Variants in ATM observed in about 807,000 individuals in gnomAD.
ATM encodes the protein serine-protein kinase ATM.
ATM carries 308 observed loss-of-function variants against 387.0 expected under a neutral mutation model. The observed-to-expected ratio is 0.80, with a 90% CI of 0.73 to 0.87. The LOEUF (loss-of-function observed/expected upper bound fraction) is 0.87, where lower values mean the gene tolerates loss of function less well. Among genes scored for constraint, ATM ranks in the 40% least tolerant of loss-of-function variants. The pLI, the probability that ATM is intolerant of heterozygous loss-of-function variation, is 0.00. For synonymous variants in ATM, 1,156 were observed against 1,187.3 expected (o/e 0.97, Z 0.54); for missense variants, 3,312 against 3,560.9 (o/e 0.93, Z 1.78).
chr11:108,223,247 AGTCT>A (rs2078576106), intron 1 of ATM, 61 bp downstream of exon 1: 1 of 160,620 alleles, frequency 6.2e-6, no homozygotes, highest in Non-Finnish European at 1.4e-5. Flanking sequence ...TGTGCGACCC[AGTCT>A]GTCCTCTCCC....
Position 108,271,275 on chromosome 11 carries a change from T to C in ATM, c.2946T>C (p.Arg982=), listed in dbSNP as rs2135551909. The C allele has an allele frequency of 6.2e-7, 1 of 1,614,000 alleles. No homozygotes were observed. Among genetic ancestry groups the C allele is most frequent in the Non-Finnish European group, 8.5e-7 (1 of 1,179,990 alleles). The change falls in exon 20 of 63, where the codon CGT becomes CGC. Residue 982 remains arginine (R), a synonymous_variant. Coordinates refer to ENST00000675843, the MANE Select transcript of ATM (RefSeq NM_000051.4). ...GCAATGTGTGTTCTTTGTATCGTCG[T>C]GACCAAGATGTTTGTAAAACTATTT... ...PLSNVCSLYR[R]DQDVCKTILN...
chr11:108,300,291 G>A (rs2083358221), intron 34 of ATM, among the ~76,000 whole-genome samples: 1 of 152,196 alleles, frequency 6.6e-6, no homozygotes, highest in Non-Finnish European at 1.5e-5. Context: ...AAGCAGAGAG[G>A]TTGTTTTATA....
At chr11:108,245,091 A>C in intron 7 of ATM, 65 bp downstream of exon 7, 1 of 1,294,096 alleles carries the variant, frequency 7.7e-7, no homozygotes, top group Non-Finnish European at 1.1e-6. Flanking sequence ...TCTAAGTATA[A>C]AATTAGTGTT....
intron 26 of ATM, among the ~76,000 whole-genome samples, chr11:108,286,010 G>A (rs1217140460): frequency 6.6e-6 from 1 of 152,158 alleles, no homozygotes; most frequent in Non-Finnish European, 1.5e-5. Flanking sequence ...TTAAATCACA[G>A]TTTCTTAGCT....
chr11:108,281,012 C>T lies in ATM; in HGVS notation c.3420C>T (p.Asn1140=), dbSNP rs1329688204. Residue 1140 remains asparagine, a synonymous_variant, in exon 24 of 63, where the codon AAC becomes AAT. Coordinates refer to ENST00000675843, the MANE Select transcript of ATM (RefSeq NM_000051.4). ...GMREMSHSAE[N]PETLDEIYNR... is the part of the protein sequence containing the mutation. ...TTTTTAAGTCCCATAGTGCTGAGAA[C>T]CCTGAAACTTTGGATGAAATTTATA... 1.2e-6 allele frequency: 2 copies of T among 1,612,172 alleles called. No individual in the cohort carries two copies. The highest frequency in any genetic ancestry group is 1.7e-6 in the Non-Finnish European group (2 of 1,178,878).
In ATM at chr11:108,258,930, A is replaced by G. The variant is rs672655; in HGVS notation, c.2377-56A>G. 0.55 allele frequency: 774,802 copies of G among 1,410,390 alleles called. 217,313 individuals carry two copies. The highest frequency in any genetic ancestry group is 0.72 in the Middle Eastern group (4,008 of 5,600). 87.4% of individuals were successfully genotyped at this position (1,410,390 alleles called of 1,614,324 possible). ...CAAGATAGAGAAAACACTGTCTGCC[A>G]AGAATAATTGTTTTTATTTCTTTGT... On this transcript the variant is annotated intron_variant, in intron 15 of 62. Transcript: ENST00000675843.
Position 108,354,697 on chromosome 11 carries a change from A to G in ATM, c.8787-114A>G, listed in dbSNP as rs958775006. The G allele has an allele frequency of 2.6e-5, 24 of 926,228 alleles. No individual in the cohort carries two copies. The African/African-American group carries it at 3.6e-4, about 14-fold the overall frequency. The allele number at this position is 926,228 out of a possible 1,614,324, so 57.4% of individuals were successfully genotyped here. ...TATTATGCTATTTTGAGATACAGAT[A>G]TGTAGATTATTAAGCATAGGCTCAG... On this transcript the variant is annotated intron_variant, in intron 60 of 62. Transcript: ENST00000675843.
chr11:108,355,099 G>C (rs1434987645), intron 61 of ATM: 1 of 550,450 alleles, frequency 1.8e-6, no homozygotes, highest in Non-Finnish European at 3.3e-6. Context: ...TTAGAGCATT[G>C]TAAGTAGTCT....
intron 5 of ATM, among the ~76,000 whole-genome samples, chr11:108,242,419 A>G (rs1025602093): frequency 1.3e-5 from 2 of 150,394 alleles, no homozygotes; most frequent in Non-Finnish European, 2.9e-5. Context: ...CCTTTTCAAC[A>G]TTATGTTGGA....
At chr11:108,301,586 G>A (rs2083431505) in intron 34 of ATM, 62 bp from the exon 35 acceptor site, 1 of 1,604,516 alleles carries the variant, frequency 6.2e-7, no homozygotes. Context: ...TTCAGTGGAG[G>A]TTAACATTCA....
intron 50 of ATM, among the ~76,000 whole-genome samples, 183 bp downstream of exon 50, chr11:108,330,604 G>T (rs948127769): frequency 1.6e-4 from 25 of 152,138 alleles, no homozygotes; most frequent in African/African-American, 4.8e-4. Context: ...ACAAGTTCTA[G>T]TCTTGTTTCT....
intron 16 of ATM, among the ~76,000 whole-genome samples, chr11:108,261,357 C>T (rs1027361277): frequency 2.0e-5 from 3 of 152,174 alleles, no homozygotes; most frequent in African/African-American, 7.2e-5. Context: ...TGGGAGGCAC[C>T]CCCCAGCAGG....
At position 108,368,552 on chromosome 11, in the gene ATM, A is replaced by AT. The variant is rs1368568788; in HGVS notation, c.*3045dup. On this transcript the variant is annotated 3_prime_UTR_variant, in exon 63 of 63. Coordinates refer to ENST00000675843, the MANE Select transcript of ATM (RefSeq NM_000051.4). ...GTCCAAGGCAAGAAGATAGTAAATT[A>AT]TAAGTACAAGTGTAATATGGACAGT... 4.6e-6 allele frequency: 1 copy of AT among 217,348 alleles called. No homozygotes were observed. The highest frequency in any genetic ancestry group is 2.2e-5 in the African/African-American group (1 of 44,486). The allele number at this position is 217,348 out of a possible 1,614,324, so 13.5% of individuals were successfully genotyped here. A position where few individuals can be genotyped will look rare whatever the true frequency, so the allele number is the denominator to read the frequency against.
chr11:108,331,417 A>C (rs762228059), intron 50 of ATM, 27 bp from the exon 51 acceptor site: 29 of 1,607,390 alleles, frequency 1.8e-5, no homozygotes, highest in Non-Finnish European at 2.5e-5. Flanking sequence ...CTTGTTTCTT[A>C]ATTTTGTGTC....
At chr11:108,306,963 C>T (rs1181254120) in intron 37 of ATM, among the ~76,000 whole-genome samples, 1 of 152,110 alleles carries the variant, frequency 6.6e-6, no homozygotes, top group Non-Finnish European at 1.5e-5. Context: ...TCTCTCTGCC[C>T]TTAGCATCCT....
rs2082134417 is a variant in ATM at position 108,279,748 on chromosome 11, T to C, written c.3402+140T>C. The C allele has an allele frequency of 5.5e-6, 4 of 725,282 alleles. No individual in the cohort carries two copies. The South Asian group carries it at 6.1e-5, about 11-fold the overall frequency. The allele number at this position is 725,282 out of a possible 1,614,324, so 44.9% of individuals were successfully genotyped here. On this transcript the variant is annotated intron_variant, in intron 23 of 62. Coordinates refer to ENST00000675843, the MANE Select transcript of ATM (RefSeq NM_000051.4). Reference sequence around the variant, plus strand: ...AGCTGCTCTAAAACAACTGTATGAATTGATTGAAACTGCATTCTTTCTGGG... The same window carrying C: ...AGCTGCTCTAAAACAACTGTATGAACTGATTGAAACTGCATTCTTTCTGGG...
Position 108,244,724 on chromosome 11 carries a change from C to T in ATM, c.663-64C>T, listed in dbSNP as rs771732485. On this transcript the variant is annotated intron_variant, in intron 6 of 62. Coordinates refer to ENST00000675843, the MANE Select transcript of ATM (RefSeq NM_000051.4). ...TTTCTTTCAGCATACCACTTCATAA[C>T]TGTTCAGTTTGTACAGTTTGTTCCC... 468 of 1,250,526 alleles carry T rather than the reference C, an allele frequency of 3.7e-4. 3 individuals are homozygous for T. Among genetic ancestry groups the T allele is most frequent in the Middle Eastern group, 1.1e-3 (6 of 5,396 alleles). The allele number at this position is 1,250,526 out of a possible 1,614,324, so 77.5% of individuals were successfully genotyped here. A position where few individuals can be genotyped will look rare whatever the true frequency, so the allele number is the denominator to read the frequency against.
chr11:108,359,742 A>T (rs1329645561), intron 61 of ATM, among the ~76,000 whole-genome samples: 5 of 152,162 alleles, frequency 3.3e-5, no homozygotes, highest in Non-Finnish European at 7.3e-5. Context: ...TGTTCTTTGA[A>T]ACCAACGAGA....
At chr11:108,253,775 G>A (rs773228366) in intron 12 of ATM, 39 bp from the exon 13 acceptor site, 3 of 1,492,410 alleles carry the variant, frequency 2.0e-6, no homozygotes, top group Non-Finnish European at 2.8e-6. Flanking sequence ...AAAGCATTAG[G>A]TACTTGGTTT....
Sources: gnomAD v4.1 joint callset for allele counts (sites outside exome capture counted in the v4.1 genomes callset) on GRCh38, gnomAD v4.1.1 for gene constraint, MANE v1.5 for transcripts, NCBI Gene and HGNC (gene_info 2026-07-23, HGNC 2026-07-21) for gene names.